FRMD4B: variants seen among roughly 807,000 people sequenced by gnomAD.
FRMD4B encodes the protein FERM domain containing 4B, also known as FERM domain-containing protein 4B.
FRMD4B carries 74 observed loss-of-function variants against 141.5 expected under a neutral mutation model. The ratio of observed to expected loss-of-function variants is 0.52; its 90% CI spans 0.43 to 0.63. The LOEUF is 0.63. FRMD4B is among the 30% of genes least tolerant of loss of function. FRMD4B has a pLI of 0.00. For missense variants in FRMD4B, 1,366 were observed against 1,253.4 expected, an observed-to-expected ratio of 1.09 and a Z score of -1.36; for synonymous variants, 506 against 467.9, an observed-to-expected ratio of 1.08 and a Z score of -1.05.
intron 11 of FRMD4B, 118 bp from the exon 12 acceptor site, chr3:69,198,892 A>G (rs1252385500): frequency 3.1e-6 from 2 of 643,582 alleles, no homozygotes; most frequent in African/African-American, 1.8e-5. Flanking sequence ...ACGATGAAAC[A>G]TGAATATGTG....
At chr3:69,513,191 C>CA (rs1706717000) in intron 1 of FRMD4B, among the ~76,000 whole-genome samples, 2 of 151,488 alleles carry the variant, frequency 1.3e-5, no homozygotes, top group African/African-American at 4.8e-5. Context: ...AGAGAACACT[C>CA]AAAAAACTAG....
At chr3:69,182,535 G>A in intron 20 of FRMD4B, 63 bp downstream of exon 20, 3 of 1,497,098 alleles carry the variant, frequency 2.0e-6, no homozygotes, top group Admixed American at 4.7e-5. Context: ...ACACAATAAA[G>A]CAAGACAGAA....
At chr3:69,482,639 C>G (rs1359681120) in intron 1 of FRMD4B, among the ~76,000 whole-genome samples, 1 of 152,156 alleles carries the variant, frequency 6.6e-6, no homozygotes, top group Admixed American at 6.5e-5. Context: ...CTTACTGATG[C>G]CAATTTCCTT....
chr3:69,338,712 C>CA (rs1159079705), intron 1 of FRMD4B, among the ~76,000 whole-genome samples: 1 of 152,002 alleles, frequency 6.6e-6, no homozygotes, highest in Non-Finnish European at 1.5e-5. Flanking sequence ...GGGTGAGGAT[C>CA]AAAAATCTAC....
rs983010517 is a variant in FRMD4B at position 69,378,845 on chromosome 3, C to A, written c.162+6983G>T. Among the ~76,000 whole-genome samples the A allele has an allele frequency of 3.3e-5, 5 of 151,968 alleles. No homozygotes were observed. In the East Asian group the frequency reaches 7.7e-4, roughly 24 times the overall value. ...CAAAAAACCCTCTTATAATCCCCAA[C>A]AAAAGTCATGTTCCATGCCTGAAAT... On this transcript the variant is annotated intron_variant, in intron 1 of 22. Coordinates refer to ENST00000398540, the MANE Select transcript of FRMD4B (RefSeq NM_015123.3).
rs1000748168 is a variant in FRMD4B at position 69,190,558 on chromosome 3, G to A, written c.1715-606C>T. Reference sequence around the variant, plus strand: ...GCCTCCTGAGTAGCTGAGATTACAGGTATGCAGCACCACGCCTGGCTAACT... The same window carrying A: ...GCCTCCTGAGTAGCTGAGATTACAGATATGCAGCACCACGCCTGGCTAACT... On this transcript the variant is annotated intron_variant, in intron 17 of 22. Coordinates refer to ENST00000398540, the MANE Select transcript of FRMD4B (RefSeq NM_015123.3). 4.6e-5 allele frequency among the ~76,000 whole-genome samples: 7 copies of A among 152,216 alleles called. No homozygotes were observed. In the South Asian group the frequency reaches 1.5e-3, roughly 32 times the overall value.
At chr3:69,346,155 A>T (rs1559820226) in intron 1 of FRMD4B, among the ~76,000 whole-genome samples, 1 of 152,136 alleles carries the variant, frequency 6.6e-6, no homozygotes, top group Non-Finnish European at 1.5e-5. Flanking sequence ...ATGGAGCTGA[A>T]AACCATGGCA....
chr3:69,316,561 A>G (rs1269496260), intron 1 of FRMD4B, among the ~76,000 whole-genome samples: 4 of 152,174 alleles, frequency 2.6e-5, no homozygotes, highest in Admixed American at 2.6e-4. Context: ...GAAATAATTA[A>G]GAGAGAAATA....
At chr3:69,260,648 C>T (rs1484216716) in intron 5 of FRMD4B, among the ~76,000 whole-genome samples, 2 of 152,234 alleles carry the variant, frequency 1.3e-5, no homozygotes, top group East Asian at 1.9e-4. Flanking sequence ...GCGCGTGGTG[C>T]GGGACTGGCG....
chr3:69,337,638 T>A (rs1019082497), intron 1 of FRMD4B, among the ~76,000 whole-genome samples: 1 of 152,086 alleles, frequency 6.6e-6, no homozygotes, highest in African/African-American at 2.4e-5. Flanking sequence ...CATCAAAAAG[T>A]GGGCAAAGGA....
intron 1 of FRMD4B, among the ~76,000 whole-genome samples, chr3:69,488,401 C>T (rs1311993130): frequency 9.2e-5 from 14 of 152,204 alleles, no homozygotes; most frequent in Admixed American, 9.2e-4. Context: ...ATTAAAAATG[C>T]ACCCACCTCA....
At chr3:69,182,828 G>C in intron 19 of FRMD4B, 111 bp from the exon 20 acceptor site, 1 of 1,004,796 alleles carries the variant, frequency 1.0e-6, no homozygotes, top group South Asian at 1.5e-5. Context: ...AGGGAAAATA[G>C]GGAGAAAGAT....
chr3:69,308,754 G>T (rs370193421), intron 3 of FRMD4B, among the ~76,000 whole-genome samples: 3 of 151,420 alleles, frequency 2.0e-5, no homozygotes, highest in Non-Finnish European at 2.9e-5. Flanking sequence ...TTTTTTTCTC[G>T]CAAAAAACAA....
At chr3:69,305,812 T>C (rs752790738) in intron 3 of FRMD4B, among the ~76,000 whole-genome samples, 1 of 152,226 alleles carries the variant, frequency 6.6e-6, no homozygotes, top group Non-Finnish European at 1.5e-5. Context: ...ATGGTGTCTA[T>C]GAATGAATGA....
At chr3:69,380,704 G>A (rs1287917714) in intron 1 of FRMD4B, among the ~76,000 whole-genome samples, 1 of 152,134 alleles carries the variant, frequency 6.6e-6, no homozygotes, top group Non-Finnish European at 1.5e-5. Flanking sequence ...TGCCTCAGGG[G>A]AGCTGACCCA....
At chr3:69,176,735 T>C (rs1011814944) in intron 21 of FRMD4B, 79 bp from the exon 22 acceptor site, 30 of 876,830 alleles carry the variant, frequency 3.4e-5, no homozygotes, top group South Asian at 1.2e-4. Context: ...CAGAGGTACA[T>C]TGCAATCAGC....
chr3:69,240,530 A>G (rs1458435828), intron 7 of FRMD4B, among the ~76,000 whole-genome samples: 1 of 151,886 alleles, frequency 6.6e-6, no homozygotes, highest in Non-Finnish European at 1.5e-5. Flanking sequence ...AAAAACAATC[A>G]ATGCAGATAA....
At chr3:69,541,423 C>G (rs955614482) in intron 1 of FRMD4B, 2 of 150,860 alleles carry the variant, frequency 1.3e-5, no homozygotes, top group Middle Eastern at 3.4e-3. Context: ...CAAAGGAGAG[C>G]GAGAGAGAGA....
intron 2 of FRMD4B, among the ~76,000 whole-genome samples, chr3:69,413,985 G>T (rs1381163734): frequency 6.6e-6 from 1 of 152,144 alleles, no homozygotes; most frequent in Admixed American, 6.5e-5. Context: ...TCGATTCTGG[G>T]ATGTTTTGTT....
Sources: allele counts gnomAD v4.1 joint callset (sites outside exome capture counted in the v4.1 genomes callset), GRCh38; gene constraint gnomAD v4.1.1; transcripts MANE v1.5; gene names NCBI Gene and HGNC (gene_info 2026-07-23, HGNC 2026-07-21).